The following CLEC16A variants were observed in gnomAD, a reference collection of about 807,000 sequenced individuals.
CLEC16A encodes the protein C-type lectin domain containing 16A, also known as protein CLEC16A.
A neutral mutation model predicts 109.5 loss-of-function variants in CLEC16A; 51 were observed. The ratio of observed to expected loss-of-function variants is 0.47; its 90% CI spans 0.37 to 0.59. The LOEUF (loss-of-function observed/expected upper bound fraction) is 0.59. Among genes scored for constraint, CLEC16A ranks in the 20% least tolerant of loss-of-function variants. The pLI, the probability that CLEC16A is intolerant of heterozygous loss-of-function variation, is 0.00. For missense variants in CLEC16A, 1,339 were observed against 1,394.0 expected, an observed-to-expected ratio of 0.96 and a Z score of 0.63; for synonymous variants, 673 against 564.2, an observed-to-expected ratio of 1.19 and a Z score of -2.73.
At chr16:11,150,245 A>G (rs1314216381) in intron 22 of CLEC16A, 2 of 152,212 alleles carry the variant, frequency 1.3e-5, no homozygotes, top group East Asian at 3.8e-4. Flanking sequence ...GGTTTAGGAT[A>G]AGGAGTTAAG....
At position 11,174,857 on chromosome 16, in the gene CLEC16A, G is replaced by T. The variant is rs2068683567; in HGVS notation, c.2807-3478G>T. ...GGCCCCACCATCTCCCTTTCTGAGT[G>T]GCACCCACACAGCAGTGAGGCTGAT... On this transcript the variant is annotated intron_variant, in intron 23 of 23. Transcript: ENST00000409790. This position sits in a 1 kb window ranked among gnomAD's most constrained non-coding sequence, Gnocchi z 4.7. Among the ~76,000 whole-genome samples the T allele has an allele frequency of 6.6e-6, 1 of 152,234 alleles. No individual in the cohort carries two copies. The highest frequency in any genetic ancestry group is 1.5e-5 in the Non-Finnish European group (1 of 68,044).
In CLEC16A at chr16:10,954,372, C is replaced by T. The variant is rs1294484876; in HGVS notation, c.81-3410C>T. 6.6e-6 allele frequency among the ~76,000 whole-genome samples: 1 copy of T among 152,098 alleles called. No homozygotes were observed. Among genetic ancestry groups the T allele is most frequent in the Non-Finnish European group, 1.5e-5 (1 of 68,028 alleles). ...CTAGAATCTTTTTTTCAGGACTTAC[C>T]GCCCTGCCCTCTCTGCCTATAAGGG... On this transcript the variant is annotated intron_variant, in intron 1 of 23. Coordinates refer to ENST00000409790, the MANE Select transcript of CLEC16A (RefSeq NM_015226.3). The surrounding 1 kb of genome is among the most constrained non-coding windows in gnomAD (Gnocchi z 4.2).
chr16:10,986,322 G>T (rs1039413958), intron 10 of CLEC16A, among the ~76,000 whole-genome samples: 1 of 152,074 alleles, frequency 6.6e-6, no homozygotes, highest in Non-Finnish European at 1.5e-5. Context: ...GAGCCGGCCT[G>T]CTGCATTTTT....
At chr16:11,156,497 G>C in intron 22 of CLEC16A, 1 of 815,724 alleles carries the variant, frequency 1.2e-6, no homozygotes, top group Middle Eastern at 4.4e-4. Flanking sequence ...TTCTGCTCCA[G>C]CTGGGGTCAG....
rs933779741 is a variant in CLEC16A at position 11,012,478 on chromosome 16, C to T, written c.1304-7715C>T. Reference sequence around the variant, plus strand: ...GGCGGAATGGCACGTGCCTGTAGTCCCAGCTACTCGGGAGGCTGAGGCAGG... The same window carrying T: ...GGCGGAATGGCACGTGCCTGTAGTCTCAGCTACTCGGGAGGCTGAGGCAGG... On this transcript the variant is annotated intron_variant, in intron 11 of 23. Coordinates refer to ENST00000409790, the MANE Select transcript of CLEC16A (RefSeq NM_015226.3). Among the ~76,000 whole-genome samples the T allele has an allele frequency of 2.9e-4, 44 of 151,628 alleles. 1 individual carries two copies. Among genetic ancestry groups the T allele is most frequent in the Non-Finnish European group, 8.8e-5 (6 of 67,926 alleles).
chr16:11,116,084 G>A (rs573524641), intron 19 of CLEC16A, among the ~76,000 whole-genome samples: 13 of 152,078 alleles, frequency 8.5e-5, no homozygotes, highest in East Asian at 3.9e-4. Context: ...GGTTCTTGCT[G>A]TAGATAATAA....
chr16:11,061,243 A>G (rs1039644823), intron 19 of CLEC16A, among the ~76,000 whole-genome samples: 1 of 152,226 alleles, frequency 6.6e-6, no homozygotes, highest in Admixed American at 6.5e-5. Flanking sequence ...GCTTTCACAC[A>G]GCTGGTTCTC....
At chr16:10,956,405 TTTCC>T (rs2145904264) in intron 1 of CLEC16A, among the ~76,000 whole-genome samples, 1 of 152,268 alleles carries the variant, frequency 6.6e-6, no homozygotes, top group East Asian at 1.9e-4. Flanking sequence ...TATCTAGACG[TTTCC>T]TTCCTTGCTC....
intron 20 of CLEC16A, among the ~76,000 whole-genome samples, chr16:11,122,600 C>G (rs1320564794): frequency 2.6e-5 from 4 of 152,158 alleles, no homozygotes; most frequent in Non-Finnish European, 4.4e-5. Flanking sequence ...GGGGTGTTAT[C>G]TCCAAAGAGC....
rs187907482 is a variant in CLEC16A at position 11,095,761 on chromosome 16, G to A, written c.2117-24854G>A. ...CAGGAGGCAGAGGTTGCTATGAGCC[G>A]AGATCGTACCGCTGCACTCCACCCT... On this transcript the variant is annotated intron_variant, in intron 19 of 23. Transcript: ENST00000409790. Among the ~76,000 whole-genome samples the A allele has an allele frequency of 4.0e-5, 6 of 148,204 alleles. No individual in the cohort carries two copies. In the East Asian group the frequency reaches 8.0e-4, roughly 20 times the overall value.
intron 18 of CLEC16A, among the ~76,000 whole-genome samples, chr16:11,052,562 G>A (rs1446512740): frequency 6.6e-6 from 1 of 152,072 alleles, no homozygotes; most frequent in Non-Finnish European, 1.5e-5. Flanking sequence ...CCAACTGTCT[G>A]ACCAAACCCA....
At chr16:11,076,215 T>C (rs1449322682) in intron 19 of CLEC16A, among the ~76,000 whole-genome samples, 1 of 152,184 alleles carries the variant, frequency 6.6e-6, no homozygotes, top group Non-Finnish European at 1.5e-5. Flanking sequence ...CACTGTGCCA[T>C]GTGTGCCCCC....
chr16:10,978,053 G>A (rs1020703838), intron 8 of CLEC16A, among the ~76,000 whole-genome samples: 1 of 152,212 alleles, frequency 6.6e-6, no homozygotes, highest in African/African-American at 2.4e-5. Context: ...AGAACCCACT[G>A]ATTTGGAGAA....
chr16:11,108,735 C>G (rs2051373330), intron 19 of CLEC16A, among the ~76,000 whole-genome samples: 1 of 152,150 alleles, frequency 6.6e-6, no homozygotes. Flanking sequence ...GGATCTGGGA[C>G]CATGTCAAGT....
intron 5 of CLEC16A, chr16:10,971,606 G>A (rs1185256424): frequency 1.2e-6 from 1 of 805,980 alleles, no homozygotes; most frequent in South Asian, 5.7e-5. Context: ...GGGGTAATTT[G>A]ACTTTTAAGT....
At position 11,149,890 on chromosome 16, in the gene CLEC16A, T is replaced by G. The variant is rs529188277; in HGVS notation, c.2642-16498T>G. ...GCCTTATTTTTATTTTTCCAGACCC[T>G]TCTCTGTGCAGTTGCATTTCATACA... On this transcript the variant is annotated intron_variant, in intron 22 of 23. Coordinates refer to ENST00000409790, the MANE Select transcript of CLEC16A (RefSeq NM_015226.3). 10 of 152,280 alleles carry G rather than the reference T, an allele frequency of 6.6e-5. No individual in the cohort carries two copies. In the East Asian group the frequency reaches 1.9e-3, roughly 29 times the overall value. The allele number at this position is 152,280 out of a possible 1,614,324, so 9.4% of individuals were successfully genotyped here.
chr16:11,006,348 A>T (rs2045009790), intron 11 of CLEC16A, among the ~76,000 whole-genome samples: 1 of 152,218 alleles, frequency 6.6e-6, no homozygotes, highest in Non-Finnish European at 1.5e-5. Context: ...GGCCAGCAGA[A>T]ATAGCAGATT....
rs114073418 is a variant in CLEC16A at position 11,002,351 on chromosome 16, A to G, written c.1072-723A>G. 7.9e-3 allele frequency among the ~76,000 whole-genome samples: 1,200 copies of G among 151,926 alleles called. 20 individuals are homozygous for G. Among genetic ancestry groups the G allele is most frequent in the African/African-American group, 0.028 (1,145 of 41,416 alleles). On this transcript the variant is annotated intron_variant, in intron 10 of 23. Transcript: ENST00000409790. Reference sequence around the variant, plus strand: ...TGGGGAGTGTAGAGCTGCTGCTGGTAAAGTGCACCATTTCTGACTTAGGGC... The same window carrying G: ...TGGGGAGTGTAGAGCTGCTGCTGGTGAAGTGCACCATTTCTGACTTAGGGC...
chr16:10,952,332 A>C (rs551977354), intron 1 of CLEC16A, among the ~76,000 whole-genome samples: 2 of 152,304 alleles, frequency 1.3e-5, no homozygotes, highest in South Asian at 4.1e-4. Context: ...CATCTCTACT[A>C]AAAGTACAAA....
Sources: allele counts gnomAD v4.1 joint callset (sites outside exome capture counted in the v4.1 genomes callset), GRCh38; gene constraint gnomAD v4.1.1; non-coding constraint Gnocchi (gnomAD v3.1); transcripts MANE v1.5; gene names NCBI Gene and HGNC (gene_info 2026-07-23, HGNC 2026-07-21).